RGL1: variants seen among roughly 807,000 people sequenced by gnomAD.
RGL1 encodes ral guanine nucleotide dissociation stimulator-like 1.
Under a neutral mutation model 95.2 loss-of-function variants are expected in RGL1, and 24 were observed. That is an observed-to-expected ratio of 0.25 (90% CI 0.18 to 0.35). The LOEUF (loss-of-function observed/expected upper bound fraction) is 0.35. RGL1 is among the 10% of genes least tolerant of loss of function. The probability of loss-of-function intolerance (pLI) is 1.00; values close to 1 mark genes in which losing one functional copy is unlikely to be tolerated. For missense variants in RGL1, 715 were observed against 936.3 expected, an observed-to-expected ratio of 0.76 and a Z score of 3.08; for synonymous variants, 329 against 344.9, an observed-to-expected ratio of 0.95 and a Z score of 0.51.
At chr1:183,813,971 C>T (rs188283914) in intron 2 of RGL1, among the ~76,000 whole-genome samples, 4 of 152,286 alleles carry the variant, frequency 2.6e-5, no homozygotes, top group African/African-American at 9.6e-5. Context: ...TATAATGTCA[C>T]TTATGGCCTC....
At chr1:183,691,226 G>C (rs147169177) in intron 1 of RGL1, among the ~76,000 whole-genome samples, 2 of 152,082 alleles carry the variant, frequency 1.3e-5, no homozygotes, top group African/African-American at 2.4e-5. Flanking sequence ...CCATAGATGC[G>C]GATTCTTTTA....
At chr1:183,771,199 G>A (rs1234472542) in intron 2 of RGL1, among the ~76,000 whole-genome samples, 1 of 151,936 alleles carries the variant, frequency 6.6e-6, no homozygotes, top group Non-Finnish European at 1.5e-5. Flanking sequence ...GTTTGGCTCC[G>A]AGGCCTAGAA....
chr1:183,702,959 T>A (rs1299816815), intron 1 of RGL1, among the ~76,000 whole-genome samples: 1 of 152,218 alleles, frequency 6.6e-6, no homozygotes, highest in Non-Finnish European at 1.5e-5. Flanking sequence ...TATCTCAGTC[T>A]GATGTAACTG....
At position 183,923,105 on chromosome 1, in the gene RGL1, G is replaced by A. The variant is rs150344701; in HGVS notation, c.2119+769G>A. Among the ~76,000 whole-genome samples the A allele has an allele frequency of 8.4e-3, 1,283 of 152,270 alleles. 9 individuals carry two copies. Among genetic ancestry groups the A allele is most frequent in the Non-Finnish European group, 0.014 (959 of 68,028 alleles). Reference sequence around the variant, plus strand: ...TAGGTCTCTTCTCCAAGTGCAGAAGGAGCAGCAAATATTGTTGACCGAAGC... The same window carrying A: ...TAGGTCTCTTCTCCAAGTGCAGAAGAAGCAGCAAATATTGTTGACCGAAGC... On this transcript the variant is annotated intron_variant, in intron 17 of 17. Transcript: ENST00000360851.
intron 2 of RGL1, among the ~76,000 whole-genome samples, chr1:183,845,293 A>G (rs766730084): frequency 2.6e-5 from 4 of 152,242 alleles, no homozygotes; most frequent in Non-Finnish European, 5.9e-5. Flanking sequence ...CTTAGTGCCT[A>G]TGAAGGATGA....
intron 2 of RGL1, among the ~76,000 whole-genome samples, chr1:183,799,223 T>C (rs1409589800): frequency 6.6e-6 from 1 of 152,192 alleles, no homozygotes; most frequent in Non-Finnish European, 1.5e-5. Flanking sequence ...GGTTGAATAA[T>C]AATTGTATCT....
chr1:183,648,473 AC>A, intron 1 of RGL1: 1 of 1,614,214 alleles, frequency 6.2e-7, no homozygotes, highest in East Asian at 2.2e-5. Context: ...AGTCAAGATA[AC>A]CATTCATTTC....
At chr1:183,668,758 G>T (rs1652220624) in intron 1 of RGL1, among the ~76,000 whole-genome samples, 1 of 151,536 alleles carries the variant, frequency 6.6e-6, no homozygotes, top group South Asian at 2.1e-4. Flanking sequence ...ATTAATTTGG[G>T]GGAAATTTTC....
At chr1:183,696,457 G>C (rs1654257950) in intron 1 of RGL1, among the ~76,000 whole-genome samples, 1 of 152,116 alleles carries the variant, frequency 6.6e-6, no homozygotes, top group Admixed American at 6.5e-5. Flanking sequence ...CATACAATGG[G>C]TGCCTTAGGG....
intron 1 of RGL1, among the ~76,000 whole-genome samples, chr1:183,640,128 T>G (rs1171115286): frequency 6.6e-6 from 1 of 152,174 alleles, no homozygotes; most frequent in East Asian, 1.9e-4. Flanking sequence ...TGAGCCACTG[T>G]GCCTGGCCAA....
intron 1 of RGL1, chr1:183,648,110 G>A (rs1650438810): frequency 5.6e-6 from 9 of 1,614,068 alleles, no homozygotes; most frequent in Non-Finnish European, 7.6e-6. Flanking sequence ...CATATGCGTT[G>A]TGCCTGTCAG....
intron 4 of RGL1, among the ~76,000 whole-genome samples, chr1:183,868,552 C>T (rs1321344486): frequency 1.3e-5 from 2 of 152,164 alleles, no homozygotes; most frequent in Non-Finnish European, 2.9e-5. Flanking sequence ...ACAAGATTCT[C>T]AAGTGATTCC....
At chr1:183,905,061 A>C in intron 13 of RGL1, 90 bp downstream of exon 13, 1 of 1,469,058 alleles carries the variant, frequency 6.8e-7, no homozygotes, top group Non-Finnish European at 9.1e-7. Context: ...TTTATTCAAC[A>C]ACTATTTAGT....
chr1:183,748,231 T>C (rs2102274365), intron 2 of RGL1, among the ~76,000 whole-genome samples: 1 of 152,168 alleles, frequency 6.6e-6, no homozygotes, highest in South Asian at 2.1e-4. Context: ...TCTTTATTAG[T>C]CTGGCTAGTG....
chr1:183,870,241 G>A (rs1366657219), intron 4 of RGL1, among the ~76,000 whole-genome samples: 1 of 152,130 alleles, frequency 6.6e-6, no homozygotes, highest in Admixed American at 6.5e-5. Context: ...TGACTGCTAC[G>A]TAGTACCTGG....
intron 2 of RGL1, among the ~76,000 whole-genome samples, chr1:183,779,205 T>TTCCTTCCTTCCC (rs1491288117): frequency 2.1e-5 from 3 of 145,214 alleles, no homozygotes; most frequent in Admixed American, 6.8e-5. Context: ...CCTTCCTTCC[T>TTCCTTCCTTCCC]TCCTTCCTTC....
intron 2 of RGL1, among the ~76,000 whole-genome samples, chr1:183,767,529 T>C (rs534318709): frequency 1.0e-3 from 154 of 152,306 alleles, no homozygotes; most frequent in African/African-American, 3.7e-3. Flanking sequence ...TTCAGGGATG[T>C]GACCAGTTAA....
chr1:183,858,069 T>C (rs1665268904), intron 3 of RGL1, among the ~76,000 whole-genome samples: 1 of 152,226 alleles, frequency 6.6e-6, no homozygotes, highest in Admixed American at 6.5e-5. Flanking sequence ...CAATTATCCT[T>C]TTTTTGAAAA....
At chr1:183,708,176 TGCAG>T (rs1360410116) in intron 1 of RGL1, among the ~76,000 whole-genome samples, 1 of 152,186 alleles carries the variant, frequency 6.6e-6, no homozygotes, top group Non-Finnish European at 1.5e-5. Flanking sequence ...GCCTAAGGTC[TGCAG>T]GTTTTTTATG....
Sources: gnomAD v4.1 joint callset for allele counts (sites outside exome capture counted in the v4.1 genomes callset) on GRCh38, gnomAD v4.1.1 for gene constraint, MANE v1.5 for transcripts, NCBI Gene and HGNC (gene_info 2026-07-23, HGNC 2026-07-21) for gene names.